RHBDD1: variants seen among roughly 807,000 people sequenced by gnomAD.
RHBDD1 encodes the protein rhomboid domain containing 1.
In RHBDD1, 38 loss-of-function variants were observed where a neutral mutation model predicts 36.3. That is an observed-to-expected ratio of 1.05 (90% CI 0.81 to 1.37). The LOEUF is 1.37. Among genes scored for constraint, RHBDD1 ranks in the 40% most tolerant of loss-of-function variants. The pLI is 0.00. For missense variants in RHBDD1, 393 were observed against 377.6 expected, an observed-to-expected ratio of 1.04 and a Z score of -0.34; for synonymous variants, 151 against 136.5, an observed-to-expected ratio of 1.11 and a Z score of -0.74.
chr2:226,900,347 G>A (rs1947484181), intron 5 of RHBDD1, among the ~76,000 whole-genome samples: 1 of 152,088 alleles, frequency 6.6e-6, no homozygotes, highest in South Asian at 2.1e-4. Flanking sequence ...TGTGACCCTG[G>A]AAAAATTATT....
intron 8 of RHBDD1, chr2:226,988,651 A>C: frequency 1.0e-6 from 1 of 985,310 alleles, no homozygotes; most frequent in Middle Eastern, 5.2e-4. Context: ...TCTGAGAGGA[A>C]GGTAGGATTT....
chr2:226,812,624 T>G, the RHBDD1 span, among the ~76,000 whole-genome samples: 1 of 151,938 alleles, frequency 6.6e-6, no homozygotes, highest in East Asian at 1.9e-4. Flanking sequence ...CAGAACTGTA[T>G]CATAGATGTT....
chr2:226,827,429 CCT>C, the RHBDD1 span, among the ~76,000 whole-genome samples: 1 of 152,056 alleles, frequency 6.6e-6, no homozygotes, highest in African/African-American at 2.4e-5. Flanking sequence ...CATACTTATG[CCT>C]CTTATTCCTT....
At chr2:226,990,343 C>A (rs1957914172) in intron 8 of RHBDD1, among the ~76,000 whole-genome samples, 1 of 152,174 alleles carries the variant, frequency 6.6e-6, no homozygotes, top group African/African-American at 2.4e-5. Flanking sequence ...CTGCCCTCAT[C>A]TGACAATAGA....
intron 3 of RHBDD1, among the ~76,000 whole-genome samples, chr2:226,856,410 A>T (rs187956463): frequency 6.6e-6 from 1 of 152,254 alleles, no homozygotes; most frequent in East Asian, 1.9e-4. Context: ...TTCTCTTGGA[A>T]CCTAAGGAAA....
chr2:226,892,132 C>T (rs1417575176), intron 5 of RHBDD1, among the ~76,000 whole-genome samples: 3 of 152,178 alleles, frequency 2.0e-5, no homozygotes, highest in African/African-American at 7.2e-5. Flanking sequence ...GCAGATTCAG[C>T]TCAAATGGGC....
chr2:226,937,095 G>C (rs1950380806), intron 8 of RHBDD1, among the ~76,000 whole-genome samples: 1 of 152,078 alleles, frequency 6.6e-6, no homozygotes, highest in African/African-American at 2.4e-5. Context: ...AGAAGTTTTT[G>C]ATGTGTATAT....
the RHBDD1 span, among the ~76,000 whole-genome samples, chr2:226,817,878 G>A: frequency 1.4e-4 from 22 of 152,268 alleles, no homozygotes; most frequent in Non-Finnish European, 2.4e-4. Context: ...AGTGAATTCC[G>A]CAGTCAGTGG....
chr2:226,805,198 T>TTTTGTTTG, the RHBDD1 span: 3 of 150,136 alleles, frequency 2.0e-5, no homozygotes, highest in Non-Finnish European at 4.5e-5. Context: ...CCCCCAGCTG[T>TTTTGTTTG]TTTGTTTGTT....
At chr2:226,831,417 T>C (rs1419998102), upstream of RHBDD1, among the ~76,000 whole-genome samples, 1 of 152,174 alleles carries the variant, frequency 6.6e-6, no homozygotes, top group East Asian at 1.9e-4. Context: ...TTCATTAAGA[T>C]GAGGTCACAC....
intron 5 of RHBDD1, among the ~76,000 whole-genome samples, chr2:226,897,382 A>G (rs2125556083): frequency 6.6e-6 from 1 of 152,250 alleles, no homozygotes; most frequent in Non-Finnish European, 1.5e-5. Flanking sequence ...CCAGGAGGTA[A>G]GGACCTTGTT....
intron 7 of RHBDD1, among the ~76,000 whole-genome samples, chr2:226,911,563 T>A (rs75830439): frequency 8.8e-5 from 13 of 148,548 alleles, no homozygotes; most frequent in Non-Finnish European, 1.6e-4. Context: ...TTTTTTTTTT[T>A]AATAAGGAAT....
intron 8 of RHBDD1, among the ~76,000 whole-genome samples, chr2:226,977,118 T>A (rs1301356962): frequency 1.3e-5 from 2 of 152,152 alleles, no homozygotes; most frequent in African/African-American, 4.8e-5. Flanking sequence ...TTTTGGTCAT[T>A]TGTTTCTGTG....
intron 5 of RHBDD1, among the ~76,000 whole-genome samples, chr2:226,867,904 A>G (rs1315182383): frequency 6.6e-6 from 1 of 151,812 alleles, no homozygotes; most frequent in Non-Finnish European, 1.5e-5. Flanking sequence ...TTTTTAGTAG[A>G]GTTGGGGTTT....
At chr2:226,905,123 C>G (rs527466471) in intron 5 of RHBDD1, among the ~76,000 whole-genome samples, 3 of 151,242 alleles carry the variant, frequency 2.0e-5, no homozygotes, top group African/African-American at 7.3e-5. Context: ...TGAGAGGTCA[C>G]TATTCCAGGC....
chr2:226,840,272 C>T (rs1173866498), intron 3 of RHBDD1, among the ~76,000 whole-genome samples: 1 of 152,128 alleles, frequency 6.6e-6, no homozygotes, highest in African/African-American at 2.4e-5. Context: ...TATCAAATTT[C>T]TGGGAAGCAA....
intron 6 of RHBDD1, among the ~76,000 whole-genome samples, chr2:226,907,574 G>C (rs534506713): frequency 1.3e-5 from 2 of 149,278 alleles, no homozygotes; most frequent in Non-Finnish European, 3.0e-5. Flanking sequence ...TTTATTCATG[G>C]GAAGTCTTCT....
chr2:226,846,747 C>CAA (rs11366796), intron 3 of RHBDD1, among the ~76,000 whole-genome samples: 7 of 70,060 alleles, frequency 1.0e-4, no homozygotes, highest in East Asian at 4.4e-4. Flanking sequence ...AATGCCATCT[C>CAA]AAAAAAAAAA....
chr2:226,954,548 A>G (rs1048058419), intron 8 of RHBDD1, among the ~76,000 whole-genome samples: 4 of 152,162 alleles, frequency 2.6e-5, no homozygotes, highest in East Asian at 1.9e-4. Flanking sequence ...TGTTCTTTCA[A>G]CTTTTCATCT....
Sources: allele counts gnomAD v4.1 joint callset (sites outside exome capture counted in the v4.1 genomes callset), GRCh38; gene constraint gnomAD v4.1.1; transcripts MANE v1.5; gene names NCBI Gene and HGNC (gene_info 2026-07-23, HGNC 2026-07-21).